Variants in JMJD1C observed in about 807,000 individuals in gnomAD.
JMJD1C encodes jumonji domain containing 1C, also known as jumonji domain-containing protein 1C.
Under a neutral mutation model 245.3 loss-of-function variants are expected in JMJD1C, and 31 were observed. The observed-to-expected ratio is 0.13, with a 90% confidence interval of 0.09 to 0.17. JMJD1C has a LOEUF of 0.17. Among genes scored for constraint, JMJD1C ranks in the 10% least tolerant of loss-of-function variants. The pLI, the probability that JMJD1C is intolerant of heterozygous loss-of-function variation, is 1.00. For missense variants in JMJD1C, 2,691 were observed against 3,000.2 expected, an observed-to-expected ratio of 0.90 and a Z score of 2.41; for synonymous variants, 1,057 against 1,017.4, an observed-to-expected ratio of 1.04 and a Z score of -0.74.
rs139603165 is a variant in JMJD1C at position 63,515,916 on chromosome 10, T to G, written n.113+5822A>C. ...TTGTCATCTGTCTTTTAATCTTGTT[T>G]ATATTGGTTTTGGAGGCACAGGAGT... On this transcript the variant is annotated intron_variant and non_coding_transcript_variant, in intron 1 of 3. Transcript: ENST00000633035. Among the ~76,000 whole-genome samples the G allele has an allele frequency of 3.3e-3, 498 of 152,330 alleles. 7 individuals are homozygous for G. Among genetic ancestry groups the G allele is most frequent in the African/African-American group, 0.012 (485 of 41,576 alleles).
intron 8 of JMJD1C, among the ~76,000 whole-genome samples, chr10:63,210,432 T>C (rs1847184419): frequency 6.6e-6 from 1 of 152,216 alleles, no homozygotes; most frequent in Non-Finnish European, 1.5e-5. Flanking sequence ...TTGTTTTTAG[T>C]TTAACACATT....
At chr10:63,360,950 TA>T (rs35610985) in intron 2 of JMJD1C, among the ~76,000 whole-genome samples, 2 of 152,118 alleles carry the variant, frequency 1.3e-5, no homozygotes, top group African/African-American at 4.8e-5. Context: ...GAGCCCGGCC[TA>T]AAAAGTATAG....
chr10:63,346,791 G>T (rs7081275), intron 2 of JMJD1C, among the ~76,000 whole-genome samples: 130,772 of 152,164 alleles, frequency 0.86, 56,895 homozygotes, highest in African/African-American at 0.96. Flanking sequence ...CTATCTACTT[G>T]GCTACTATTT....
chr10:63,267,530 T>C (rs1052945459), intron 2 of JMJD1C, among the ~76,000 whole-genome samples: 2 of 152,190 alleles, frequency 1.3e-5, no homozygotes, highest in Non-Finnish European at 2.9e-5. Flanking sequence ...CATAACTAAT[T>C]CAACACTCTA....
At chr10:63,471,501 G>A (rs1953491432) in intron 1 of JMJD1C, among the ~76,000 whole-genome samples, 2 of 152,122 alleles carry the variant, frequency 1.3e-5, no homozygotes, top group Admixed American at 6.5e-5. Context: ...AATGTTAAAG[G>A]ACTGACAAAA....
At chr10:63,232,053 G>C (rs1268991115) in intron 3 of JMJD1C, among the ~76,000 whole-genome samples, 1 of 152,088 alleles carries the variant, frequency 6.6e-6, no homozygotes, top group Non-Finnish European at 1.5e-5. Flanking sequence ...GGCCAGGCTG[G>C]TCTTGAATTC....
chr10:63,462,496 T>G (rs550204832), intron 1 of JMJD1C, among the ~76,000 whole-genome samples: 64 of 152,210 alleles, frequency 4.2e-4, no homozygotes, highest in Non-Finnish European at 7.2e-4. Flanking sequence ...TTACATTACA[T>G]GGCAAAGGAG....
intron 2 of JMJD1C, among the ~76,000 whole-genome samples, chr10:63,297,861 A>G (rs921921590): frequency 6.6e-6 from 1 of 152,160 alleles, no homozygotes; most frequent in Non-Finnish European, 1.5e-5. Context: ...CGAGAAAGAA[A>G]GAAGAGCTGT....
chr10:63,387,497 G>A (rs1490591619), intron 1 of JMJD1C, among the ~76,000 whole-genome samples: 1 of 151,272 alleles, frequency 6.6e-6, no homozygotes, highest in Non-Finnish European at 1.5e-5. Context: ...ACAAATTCGG[G>A]ACCTGATGTA....
intron 25 of JMJD1C, 34 bp from the exon 26 acceptor site, chr10:63,168,168 G>T (rs1842015667): frequency 7.2e-7 from 1 of 1,389,534 alleles, no homozygotes; most frequent in Non-Finnish European, 1.0e-6. Context: ...AATCACTTCA[G>T]TTCGACAGAA....
At chr10:63,492,104 G>C (rs1294626899) in intron 1 of JMJD1C, among the ~76,000 whole-genome samples, 1 of 151,886 alleles carries the variant, frequency 6.6e-6, no homozygotes, top group Non-Finnish European at 1.5e-5. Flanking sequence ...CGTGATCTCG[G>C]CTCTCTGCAC....
rs1321671274 is a variant in JMJD1C, at chr10:63,223,118, A to G, written c.448-3135T>C. 58 of 538,320 alleles carry G rather than the reference A, an allele frequency of 1.1e-4. No homozygotes were observed. The East Asian group carries it at 1.6e-3, about 15-fold the overall frequency. 33.3% of individuals were successfully genotyped at this position (538,320 alleles called of 1,614,324 possible). ...AGTAAAACTTACCGATAGTTTCAGT[A>G]AAGAAATTATCTGCAAAAAAAAAAA... On this transcript the variant is annotated intron_variant, in intron 3 of 25. Transcript: ENST00000399262.
chr10:63,332,400 T>C (rs1367548352), intron 2 of JMJD1C, among the ~76,000 whole-genome samples: 1 of 152,194 alleles, frequency 6.6e-6, no homozygotes, highest in Non-Finnish European at 1.5e-5. Flanking sequence ...TCAAGCACCA[T>C]ATCAAATAAT....
At chr10:63,486,077 A>G (rs771252643) in intron 1 of JMJD1C, among the ~76,000 whole-genome samples, 7 of 150,074 alleles carry the variant, frequency 4.7e-5, no homozygotes, top group Admixed American at 1.3e-4. Flanking sequence ...AAGCCTGAAG[A>G]ATGAATGAAA....
chr10:63,488,820 G>A (rs1245352958), intron 1 of JMJD1C, among the ~76,000 whole-genome samples: 1 of 152,198 alleles, frequency 6.6e-6, no homozygotes, highest in East Asian at 1.9e-4. Flanking sequence ...GCTTGAGGGT[G>A]CTGGTAATGT....
At chr10:63,477,071 A>G (rs1953685583) in intron 1 of JMJD1C, among the ~76,000 whole-genome samples, 1 of 152,190 alleles carries the variant, frequency 6.6e-6, no homozygotes, top group Non-Finnish European at 1.5e-5. Context: ...AAAGATATAG[A>G]CTGAAGATCT....
chr10:63,234,493 T>TAAAAAAAAAAAAAAAAAAAA (rs71025129), intron 3 of JMJD1C, among the ~76,000 whole-genome samples: 3 of 37,036 alleles, frequency 8.1e-5, no homozygotes, highest in East Asian at 9.3e-4. Flanking sequence ...AACCTCCTCT[T>TAAAAAAAAAAAAAAAAAAAA]AAAAAAAAAA....
chr10:63,221,737 T>A (rs1392415004), intron 3 of JMJD1C, among the ~76,000 whole-genome samples: 1 of 152,230 alleles, frequency 6.6e-6, no homozygotes. Flanking sequence ...TTTTTGTTTT[T>A]TGAGACGGAG....
intron 3 of JMJD1C, among the ~76,000 whole-genome samples, chr10:63,247,108 AAAC>A (rs925371054): frequency 1.8e-4 from 25 of 138,862 alleles, no homozygotes; most frequent in African/African-American, 5.5e-4. Flanking sequence ...GAGACAAAAA[AAAC>A]AAAAACAAAA....
Sources: allele counts gnomAD v4.1 joint callset (sites outside exome capture counted in the v4.1 genomes callset), GRCh38; gene constraint gnomAD v4.1.1; transcripts MANE v1.5; gene names NCBI Gene and HGNC (gene_info 2026-07-23, HGNC 2026-07-21).